Variants in MRPL45 observed in about 807,000 individuals in gnomAD.
The protein encoded by MRPL45 is mitochondrial ribosomal protein L45.
Under a neutral mutation model 38.1 loss-of-function variants are expected in MRPL45, and 20 were observed. That is an observed-to-expected ratio of 0.53 (90% CI 0.37 to 0.76). The LOEUF is 0.76. MRPL45 is among the 30% of genes least tolerant of loss of function. MRPL45 has a pLI of 0.00. For synonymous variants in MRPL45, 105 were observed against 128.8 expected (o/e 0.82, Z 1.25); for missense variants, 337 against 395.6 (o/e 0.85, Z 1.26).
chr17:38,321,859 C>G (rs1464036793), intron 6 of MRPL45, among the ~76,000 whole-genome samples: 1 of 151,716 alleles, frequency 6.6e-6, no homozygotes, highest in Non-Finnish European at 1.5e-5. Flanking sequence ...GACACCCCAT[C>G]TCTACTAAAA....
chr17:38,313,311 A>T (rs1359102119), intron 4 of MRPL45, among the ~76,000 whole-genome samples: 338 of 7,780 alleles, frequency 0.043, 10 homozygotes, highest in African/African-American at 0.12. Context: ...AAAAAAAAAA[A>T]ATATATATAT....
chr17:38,304,933 G>C (rs1168322728), intron 3 of MRPL45, among the ~76,000 whole-genome samples: 64 of 150,698 alleles, frequency 4.2e-4, no homozygotes. Flanking sequence ...TGCAACCTCT[G>C]CCTCCTGGGT....
rs138800910 is a variant in MRPL45 at position 38,320,476 on chromosome 17, G to GA, written c.511-138dup. ...AATCAAAACTTGAGAAGGTGCAAGAGAAAATAGGCACAAGAGAGCATGTGG... is the reference window on the plus strand; with the variant it reads ...AATCAAAACTTGAGAAGGTGCAAGAGAAAAATAGGCACAAGAGAGCATGTGG... On this transcript the variant is annotated intron_variant, in intron 5 of 7. Transcript: ENST00000613675. 4,038 of 826,830 alleles carry GA rather than the reference G, an allele frequency of 4.9e-3. 103 individuals are homozygous for GA. The African/African-American group carries it at 0.062, about 13-fold the overall frequency. 51.2% of individuals were successfully genotyped at this position (826,830 alleles called of 1,614,324 possible). A position where few individuals can be genotyped will look rare whatever the true frequency, so the allele number is the denominator to read the frequency against.
At position 38,306,635 on chromosome 17, in the gene MRPL45, A is replaced by C. The variant is rs1445782213; in HGVS notation, c.461+4A>C. On this transcript the variant is annotated splice_donor_region_variant and intron_variant, in intron 4 of 7. Transcript: ENST00000613675. ...AAGCTCACCTTTGTCTAAATAAGTA[A>C]GTGAACTCCCTATCTTTACCCATTC... The C allele has an allele frequency of 1.9e-6, 3 of 1,613,402 alleles. No individual in the cohort carries two copies. The highest frequency in any genetic ancestry group is 1.7e-5 in the Admixed American group (1 of 59,844).
At chr17:38,301,900 G>A (rs1190867543) in intron 3 of MRPL45, among the ~76,000 whole-genome samples, 1 of 151,304 alleles carries the variant, frequency 6.6e-6, no homozygotes, top group African/African-American at 2.4e-5. Flanking sequence ...GGTGGATCAC[G>A]AGGTCAGGAG....
intron 3 of MRPL45, among the ~76,000 whole-genome samples, chr17:38,304,552 T>G (rs1313811260): frequency 1.5e-5 from 2 of 136,708 alleles, no homozygotes; most frequent in Non-Finnish European, 3.3e-5. Context: ...TTTTATTTTA[T>G]TTTTTTTTTG....
intron 3 of MRPL45, among the ~76,000 whole-genome samples, chr17:38,300,944 C>CT (rs1333374937): frequency 6.6e-6 from 1 of 151,860 alleles, no homozygotes; most frequent in African/African-American, 2.4e-5. Context: ...GAAACTCTGT[C>CT]TCAAAAAAAA....
At position 38,318,977 on chromosome 17, in the gene MRPL45, G is replaced by A. The variant is rs140563376; in HGVS notation, c.510+242G>A. On this transcript the variant is annotated intron_variant, in intron 5 of 7. Transcript: ENST00000613675. ...CAAGTAGCTGGGATTACAGGCATGC[G>A]CCACCATGCCCAGCTAATTTTTTAT... 1.3e-3 allele frequency among the ~76,000 whole-genome samples: 193 copies of A among 150,246 alleles called. 1 individual carries two copies. The East Asian group carries it at 0.022, about 17-fold the overall frequency.
At chr17:38,300,488 T>C (rs2144200729) in intron 3 of MRPL45, among the ~76,000 whole-genome samples, 1 of 151,534 alleles carries the variant, frequency 6.6e-6, no homozygotes, top group South Asian at 2.1e-4. Context: ...TGTATCTATC[T>C]TTTTTTTTAA....
At chr17:38,321,311 T>A (rs1016337080) in intron 6 of MRPL45, among the ~76,000 whole-genome samples, 3 of 152,168 alleles carry the variant, frequency 2.0e-5, no homozygotes, top group Admixed American at 6.5e-5. Flanking sequence ...CTCTGCCCCC[T>A]GTCAAAGAAC....
chr17:38,313,318 A>ATATATATATATATATATACG (rs2037137086), intron 4 of MRPL45, among the ~76,000 whole-genome samples: 4 of 8,108 alleles, frequency 4.9e-4, no homozygotes, highest in African/African-American at 3.7e-4. Context: ...AAAAATATAT[A>ATATATATATATATATATACG]TATATATATA....
intron 4 of MRPL45, among the ~76,000 whole-genome samples, chr17:38,306,912 C>G (rs1469493823): frequency 1.3e-5 from 2 of 152,230 alleles, no homozygotes; most frequent in African/African-American, 4.8e-5. Context: ...TTCACCCTAT[C>G]TGATCCCTGA....
At chr17:38,314,514 G>A (rs2037155617) in intron 4 of MRPL45, among the ~76,000 whole-genome samples, 1 of 152,144 alleles carries the variant, frequency 6.6e-6, no homozygotes, top group Non-Finnish European at 1.5e-5. Context: ...TTCTTTTGGT[G>A]TCATATTCAA....
intron 4 of MRPL45, among the ~76,000 whole-genome samples, chr17:38,313,908 C>A (rs1479259553): frequency 6.6e-6 from 1 of 151,962 alleles, no homozygotes; most frequent in Non-Finnish European, 1.5e-5. Flanking sequence ...GATGATCCAC[C>A]CACCTCAGCC....
Position 38,322,200 on chromosome 17 carries a change from T to C in MRPL45, c.735T>C (p.Tyr245=). Residue 245 remains tyrosine (Y), a synonymous_variant, in exon 7 of 8, where the codon TAT becomes TAC. Transcript: ENST00000613675. ...ATGTACCCAAGGATGTCCTGGAGTA[T>C]GTTGTATTCGAAAAGCAGTTGACAA... ...QEDVPKDVLE[Y]VVFEKQLTNP... 2.5e-6 allele frequency: 4 copies of C among 1,614,050 alleles called. No individual in the cohort carries two copies. The highest frequency in any genetic ancestry group is 2.7e-5 in the African/African-American group (2 of 74,996).
At chr17:38,312,961 A>G (rs1353598957) in intron 4 of MRPL45, among the ~76,000 whole-genome samples, 1 of 145,972 alleles carries the variant, frequency 6.9e-6, no homozygotes, top group Admixed American at 6.9e-5. Context: ...CCTCACTGAT[A>G]CCTATTACTT....
intron 4 of MRPL45, among the ~76,000 whole-genome samples, chr17:38,306,957 G>A (rs1459584624): frequency 1.3e-5 from 2 of 152,048 alleles, no homozygotes; most frequent in Admixed American, 6.6e-5. Context: ...TTTGTCTTAC[G>A]TATCTTCATT....
At chr17:38,301,739 G>C in intron 3 of MRPL45, among the ~76,000 whole-genome samples, 1 of 152,182 alleles carries the variant, frequency 6.6e-6, no homozygotes. Flanking sequence ...TTCTCTTCTA[G>C]GGGAGGAAAA....
intron 5 of MRPL45, 96 bp from the exon 6 acceptor site, chr17:38,320,522 G>A (rs1177907430): frequency 7.7e-7 from 1 of 1,292,478 alleles, no homozygotes; most frequent in African/African-American, 1.5e-5. Context: ...GCTGCCTGTT[G>A]GCTGTAGTCT....
Sources: allele counts gnomAD v4.1 joint callset (sites outside exome capture counted in the v4.1 genomes callset), GRCh38; gene constraint gnomAD v4.1.1; transcripts MANE v1.5; gene names NCBI Gene and HGNC (gene_info 2026-07-23, HGNC 2026-07-21).